The following IL1RAPL1 variants were observed in gnomAD, a reference collection of about 807,000 sequenced individuals.
The protein encoded by IL1RAPL1 is interleukin-1 receptor accessory protein-like 1.
IL1RAPL1 carries 3 observed loss-of-function variants against 48.4 expected under a neutral mutation model. That is an observed-to-expected ratio of 0.06 (90% CI 0.03 to 0.16). The LOEUF (loss-of-function observed/expected upper bound fraction) is 0.16, where lower values mean the gene tolerates loss of function less well. Ranked by LOEUF, IL1RAPL1 falls within the 10% of genes least tolerant of loss-of-function variation. The pLI, the probability that IL1RAPL1 is intolerant of heterozygous loss-of-function variation, is 1.00. For missense variants in IL1RAPL1, 349 were observed against 530.6 expected (o/e 0.66, Z 3.36); for synonymous variants, 185 against 187.7 (o/e 0.99, Z 0.12).
chrX:29,171,974 C>A (rs967204770), intron 2 of IL1RAPL1, among the ~76,000 whole-genome samples: 1 of 111,987 alleles, frequency 8.9e-6, no homozygotes, highest in Non-Finnish European at 1.9e-5. Flanking sequence ...AAGCTTCTTA[C>A]CAAATTGAAA....
chrX:28,810,704 A>G (rs1437224187), intron 2 of IL1RAPL1, among the ~76,000 whole-genome samples: 1 of 110,608 alleles, frequency 9.0e-6, no homozygotes, highest in Non-Finnish European at 1.9e-5. Context: ...TGGAAAAGCA[A>G]AAAGAACAGA....
chrX:28,952,412 G>A (rs1041303044), intron 2 of IL1RAPL1, among the ~76,000 whole-genome samples: 2 of 111,299 alleles, frequency 1.8e-5, no homozygotes, highest in African/African-American at 3.2e-5. Context: ...TAAGGACAAC[G>A]TAAAAGTTTA....
At chrX:28,934,874 C>G (rs1923975529) in intron 2 of IL1RAPL1, among the ~76,000 whole-genome samples, 1 of 111,495 alleles carries the variant, frequency 9.0e-6, no homozygotes, top group Non-Finnish European at 1.9e-5. Flanking sequence ...GTTTTTCTGT[C>G]TTTATGAATA....
At chrX:29,606,472 AT>A (rs1923895947) in intron 5 of IL1RAPL1, among the ~76,000 whole-genome samples, 1 of 111,918 alleles carries the variant, frequency 8.9e-6, no homozygotes, top group Non-Finnish European at 1.9e-5. Flanking sequence ...GTGATGAAGT[AT>A]TTTCCCCCCA....
At chrX:28,614,643 C>T (rs1460149710) in intron 1 of IL1RAPL1, among the ~76,000 whole-genome samples, 5 of 110,989 alleles carry the variant, frequency 4.5e-5, no homozygotes, top group East Asian at 2.8e-4. Flanking sequence ...ATGACCTACA[C>T]GACGATACAC....
chrX:29,907,247 A>T (rs1166298492), intron 6 of IL1RAPL1, among the ~76,000 whole-genome samples: 2 of 111,563 alleles, frequency 1.8e-5, no homozygotes, highest in Non-Finnish European at 3.8e-5. Flanking sequence ...CACATTAAAT[A>T]AACACAAAAA....
intron 1 of IL1RAPL1, among the ~76,000 whole-genome samples, chrX:28,703,888 C>T (rs1935330986): frequency 8.9e-6 from 1 of 111,850 alleles, no homozygotes; most frequent in Non-Finnish European, 1.9e-5. Flanking sequence ...GACCTCCTAT[C>T]CTGCCTCCCA....
chrX:28,665,162 C>A (rs909653899), intron 1 of IL1RAPL1, among the ~76,000 whole-genome samples: 9 of 110,997 alleles, frequency 8.1e-5, no homozygotes, highest in Non-Finnish European at 1.5e-4. Context: ...GGCTGGACAT[C>A]TCTGACCAAC....
chrX:29,829,875 A>G (rs1214972358), intron 6 of IL1RAPL1, among the ~76,000 whole-genome samples: 1 of 112,106 alleles, frequency 8.9e-6, no homozygotes, highest in African/African-American at 3.2e-5. Context: ...TGGATTTTCA[A>G]AAATTACATT....
chrX:29,581,219 G>A (rs1441274064), intron 5 of IL1RAPL1, among the ~76,000 whole-genome samples: 1 of 112,588 alleles, frequency 8.9e-6, no homozygotes. Flanking sequence ...TTTTATTTGT[G>A]TCGACTTAAA....
chrX:29,301,107 G>T (rs763839077), intron 3 of IL1RAPL1, among the ~76,000 whole-genome samples: 8 of 111,366 alleles, frequency 7.2e-5, no homozygotes, highest in Non-Finnish European at 1.1e-4. Flanking sequence ...GACAGTTTTT[G>T]TAATTGCCGT....
intron 2 of IL1RAPL1, among the ~76,000 whole-genome samples, chrX:29,104,733 C>G (rs974249668): frequency 5.6e-5 from 6 of 107,534 alleles, no homozygotes. Flanking sequence ...CTCATGTACC[C>G]CATAAAAATA....
In IL1RAPL1 at chrX:29,231,341, C is replaced by T. The variant is rs139848222; in HGVS notation, c.83-51597C>T. On this transcript the variant is annotated intron_variant, in intron 2 of 10. Coordinates refer to ENST00000378993, the MANE Select transcript of IL1RAPL1 (RefSeq NM_014271.4). ...CCCATATTGCTCAGCAGTTTGCAAC[C>T]GGTTCTGATAAAAAGCACCCACCCC... Among the ~76,000 whole-genome samples the T allele has an allele frequency of 3.2e-3, 362 of 111,398 alleles. 2 individuals carry two copies. The highest frequency in any genetic ancestry group is 3.9e-3 in the Non-Finnish European group (206 of 53,064).
chrX:28,932,120 A>C lies in IL1RAPL1; in HGVS notation c.82+142695A>C, dbSNP rs1008630691. On this transcript the variant is annotated intron_variant, in intron 2 of 10. Coordinates refer to ENST00000378993, the MANE Select transcript of IL1RAPL1 (RefSeq NM_014271.4). Reference sequence around the variant, plus strand: ...TATATGAGCATATGCATTTATAACTAGATGGAAACTTCCTTAAATATTTAA... The same window carrying C: ...TATATGAGCATATGCATTTATAACTCGATGGAAACTTCCTTAAATATTTAA... Among the ~76,000 whole-genome samples, 10 of 111,490 alleles carry C rather than the reference A, an allele frequency of 9.0e-5. No individual in the cohort carries two copies. The South Asian group carries it at 3.7e-3, about 41-fold the overall frequency.
chrX:29,141,425 A>G (rs936610976), intron 2 of IL1RAPL1, among the ~76,000 whole-genome samples: 2 of 111,647 alleles, frequency 1.8e-5, no homozygotes, highest in Non-Finnish European at 3.8e-5. Flanking sequence ...TTATTGGGGA[A>G]AATAAAACAG....
At chrX:29,950,603 A>G (rs1933293476) in intron 9 of IL1RAPL1, among the ~76,000 whole-genome samples, 1 of 111,482 alleles carries the variant, frequency 9.0e-6, no homozygotes, top group Non-Finnish European at 1.9e-5. Flanking sequence ...CAGCCCTCCA[A>G]ATGATGGTCA....
At chrX:29,563,501 T>C (rs1253584889) in intron 5 of IL1RAPL1, among the ~76,000 whole-genome samples, 3 of 112,499 alleles carry the variant, frequency 2.7e-5, no homozygotes, top group Non-Finnish European at 5.6e-5. Context: ...ATTTACATGT[T>C]TTTCAAATTG....
intron 1 of IL1RAPL1, among the ~76,000 whole-genome samples, chrX:28,694,214 A>C (rs1469410154): frequency 8.9e-6 from 1 of 112,017 alleles, no homozygotes; most frequent in Non-Finnish European, 1.9e-5. Context: ...GGCCACTGCC[A>C]ATCAGCTGCC....
intron 8 of IL1RAPL1, among the ~76,000 whole-genome samples, chrX:29,920,794 CAAAAAAAAAAAAAAA>C (rs1176529100): frequency 9.5e-5 from 3 of 31,636 alleles, no homozygotes; most frequent in African/African-American, 3.8e-4. Flanking sequence ...GACCCTGTCT[CAAAAAAAAAAAAAAA>C]AAAAAAAAAG....
Sources: allele counts gnomAD v4.1 joint callset (sites outside exome capture counted in the v4.1 genomes callset), GRCh38; gene constraint gnomAD v4.1.1; transcripts MANE v1.5; gene names NCBI Gene and HGNC (gene_info 2026-07-23, HGNC 2026-07-21).